The following SNX27 variants were observed in gnomAD, a reference collection of about 807,000 sequenced individuals.
SNX27 encodes the protein sorting nexin 27.
In SNX27, 22 loss-of-function variants were observed where a neutral mutation model predicts 71.6. That is an observed-to-expected ratio of 0.31 (90% CI 0.22 to 0.44). The LOEUF (loss-of-function observed/expected upper bound fraction) is 0.44, where lower values mean the gene tolerates loss of function less well. Among genes scored for constraint, SNX27 ranks in the 20% least tolerant of loss-of-function variants. SNX27 has a pLI of 1.00. For missense variants in SNX27, 531 were observed against 698.6 expected, an observed-to-expected ratio of 0.76 and a Z score of 2.70; for synonymous variants, 269 against 277.2, an observed-to-expected ratio of 0.97 and a Z score of 0.29.
At chr1:151,694,252 A>C in intron 11 of SNX27, 118 bp from the exon 12 acceptor site, 1 of 1,485,750 alleles carries the variant, frequency 6.7e-7, no homozygotes, top group Non-Finnish European at 8.9e-7. Context: ...ATATCAAGAA[A>C]GATGTGGCCA....
At chr1:151,621,985 T>C (rs888669180) in intron 1 of SNX27, among the ~76,000 whole-genome samples, 9 of 152,212 alleles carry the variant, frequency 5.9e-5, no homozygotes, top group Middle Eastern at 3.2e-3. Context: ...AGTTATGTGC[T>C]AGTAGATTAT....
Position 151,692,432 on chromosome 1 carries a change from T to TTTTTTAACACA in SNX27, c.1240-3_1240-2insTTTTTAACACA. 1 of 1,452,074 alleles carries TTTTTTAACACA rather than the reference T, an allele frequency of 6.9e-7. No individual in the cohort carries two copies. The highest frequency in any genetic ancestry group is 9.1e-7 in the Non-Finnish European group (1 of 1,101,932). The allele number at this position is 1,452,074 out of a possible 1,614,324, so 89.9% of individuals were successfully genotyped here. ...TTTTTTTTTTTTTTTTTTTTTTTTT[T>TTTTTTAACACA]AGTACCTCAACATGCTAAGGACTTG... On this transcript the variant is annotated splice_polypyrimidine_tract_variant and splice_region_variant and intron_variant, in intron 8 of 11. Transcript: ENST00000458013.
chr1:151,693,735 A>G, intron 11 of SNX27: 1 of 1,583,684 alleles, frequency 6.3e-7, no homozygotes, highest in East Asian at 2.2e-5. Flanking sequence ...AGGCTCTTCC[A>G]TCTCTCATGA....
chr1:151,639,674 A>G (rs555083578), intron 2 of SNX27, among the ~76,000 whole-genome samples: 3 of 152,334 alleles, frequency 2.0e-5, no homozygotes, highest in Non-Finnish European at 4.4e-5. Flanking sequence ...TGCAATTCCC[A>G]TGAGCTGTTT....
chr1:151,651,675 A>C (rs1669387304), intron 2 of SNX27, among the ~76,000 whole-genome samples: 1 of 150,372 alleles, frequency 6.7e-6, no homozygotes. Context: ...CTCACTTCCT[A>C]GATGGGATGG....
At chr1:151,635,307 A>G (rs1221893377) in intron 1 of SNX27, among the ~76,000 whole-genome samples, 1 of 152,238 alleles carries the variant, frequency 6.6e-6, no homozygotes, top group East Asian at 1.9e-4. Context: ...TTTATGGATT[A>G]GAAAATTGAG....
chr1:151,649,561 A>AC (rs1280218258), intron 2 of SNX27, among the ~76,000 whole-genome samples: 1 of 152,206 alleles, frequency 6.6e-6, no homozygotes, highest in Non-Finnish European at 1.5e-5. Context: ...CCAACCTGGG[A>AC]GACAGAGCTA....
intron 2 of SNX27, among the ~76,000 whole-genome samples, chr1:151,650,823 CA>C (rs1669301366): frequency 6.6e-6 from 1 of 151,638 alleles, no homozygotes; most frequent in Admixed American, 6.6e-5. Flanking sequence ...ATGCTGCCTT[CA>C]AGCATCTGTT....
intron 1 of SNX27, among the ~76,000 whole-genome samples, chr1:151,637,910 C>A (rs1668541457): frequency 6.6e-6 from 1 of 152,192 alleles, no homozygotes; most frequent in South Asian, 2.1e-4. Context: ...GATTAGAGGT[C>A]AGGTGTGTAT....
At chr1:151,624,934 G>A (rs1238786599) in intron 1 of SNX27, among the ~76,000 whole-genome samples, 1 of 152,054 alleles carries the variant, frequency 6.6e-6, no homozygotes, top group Non-Finnish European at 1.5e-5. Context: ...TGTTACTTCT[G>A]GCTGGAGGTA....
chr1:151,660,997 T>C, intron 4 of SNX27, 135 bp downstream of exon 4: 1 of 670,650 alleles, frequency 1.5e-6, no homozygotes, highest in South Asian at 1.7e-5. Flanking sequence ...CCTTTTTATA[T>C]GTATCCTACT....
intron 2 of SNX27, among the ~76,000 whole-genome samples, chr1:151,651,361 G>A (rs1571817920): frequency 3.3e-5 from 5 of 150,688 alleles, no homozygotes; most frequent in African/African-American, 7.3e-5. Flanking sequence ...CGGATGGGGC[G>A]GCTGGCCTGG....
intron 5 of SNX27, among the ~76,000 whole-genome samples, chr1:151,662,951 T>C (rs1370963013): frequency 1.3e-5 from 2 of 152,052 alleles, no homozygotes; most frequent in Non-Finnish European, 2.9e-5. Flanking sequence ...GCAAATCCCA[T>C]GTTATCGGAC....
chr1:151,673,162 G>A (rs1253581972), intron 7 of SNX27, among the ~76,000 whole-genome samples: 1 of 151,614 alleles, frequency 6.6e-6, no homozygotes, highest in Non-Finnish European at 1.5e-5. Context: ...GGCATGTTAT[G>A]TTTTCATGAT....
intron 1 of SNX27, among the ~76,000 whole-genome samples, chr1:151,627,875 C>CT (rs1461617670): frequency 6.6e-6 from 1 of 152,182 alleles, no homozygotes; most frequent in East Asian, 1.9e-4. Flanking sequence ...CCACAGGCCC[C>CT]TGGTAACCAC....
chr1:151,641,980 A>C (rs34600604), intron 2 of SNX27, among the ~76,000 whole-genome samples: 26,478 of 85,634 alleles, frequency 0.31, 9,454 homozygotes, highest in Middle Eastern at 0.4. Context: ...TATATATCAG[A>C]TATAGATATA....
At chr1:151,635,389 C>G (rs1480071461) in intron 1 of SNX27, among the ~76,000 whole-genome samples, 1 of 152,222 alleles carries the variant, frequency 6.6e-6, no homozygotes. Context: ...AAACCCAAGT[C>G]TGTTTGACTC....
intron 1 of SNX27, among the ~76,000 whole-genome samples, chr1:151,622,302 C>T (rs1490710675): frequency 6.6e-6 from 1 of 152,110 alleles, no homozygotes; most frequent in Non-Finnish European, 1.5e-5. Context: ...TATCTGTTCA[C>T]ATTCATGTAC....
At chr1:151,637,679 C>G (rs957280266) in intron 1 of SNX27, among the ~76,000 whole-genome samples, 5 of 152,160 alleles carry the variant, frequency 3.3e-5, no homozygotes, top group African/African-American at 1.2e-4. Flanking sequence ...TAAATTAAAT[C>G]CCAGGAGGCT....
Sources: allele counts gnomAD v4.1 joint callset (sites outside exome capture counted in the v4.1 genomes callset), GRCh38; gene constraint gnomAD v4.1.1; transcripts MANE v1.5; gene names NCBI Gene and HGNC (gene_info 2026-07-23, HGNC 2026-07-21).